Variants in FAT3 observed in about 807,000 individuals in gnomAD.
The protein encoded by FAT3 is protocadherin Fat 3.
FAT3 carries 95 observed loss-of-function variants against 310.2 expected under a neutral mutation model. The observed-to-expected ratio is 0.31, with a 90% confidence interval of 0.26 to 0.36. FAT3 has a LOEUF of 0.36. FAT3 is among the 10% of genes least tolerant of loss of function. The pLI is 1.00. For missense variants in FAT3, 5,408 were observed against 5,715.6 expected (o/e 0.95, Z 1.74); for synonymous variants, 2,314 against 2,192.9 (o/e 1.06, Z -1.54).
intron 3 of FAT3, among the ~76,000 whole-genome samples, chr11:92,694,735 G>A (rs1943890666): frequency 6.6e-6 from 1 of 152,154 alleles, no homozygotes; most frequent in Non-Finnish European, 1.5e-5. Flanking sequence ...CGGAAGAGCA[G>A]CAGGGTGAAG....
intron 2 of FAT3, among the ~76,000 whole-genome samples, chr11:92,514,280 G>A (rs917968700): frequency 7.9e-5 from 12 of 151,532 alleles, no homozygotes; most frequent in Admixed American, 3.9e-4. Flanking sequence ...TTTTGGGTCT[G>A]CTCCTGCCTT....
At chr11:92,774,244 C>G (rs949960356) in intron 7 of FAT3, 64 bp downstream of exon 7, 28 of 1,441,018 alleles carry the variant, frequency 1.9e-5, no homozygotes, top group Admixed American at 2.8e-5. Context: ...GGGGTGCAAG[C>G]AATGAAAAAA....
At chr11:92,337,751 A>G (rs573490807) in intron 1 of FAT3, among the ~76,000 whole-genome samples, 6 of 152,360 alleles carry the variant, frequency 3.9e-5, no homozygotes, top group South Asian at 2.1e-4. Flanking sequence ...CTTGAAAACA[A>G]TAGTATAGTC....
chr11:92,845,798 C>T (rs377260741), intron 19 of FAT3, among the ~76,000 whole-genome samples: 2 of 152,214 alleles, frequency 1.3e-5, no homozygotes, highest in East Asian at 3.9e-4. Flanking sequence ...GCCCCGGCCT[C>T]TTCCCTTGCA....
intron 2 of FAT3, among the ~76,000 whole-genome samples, chr11:92,469,109 TC>T (rs1314941175): frequency 6.6e-6 from 1 of 152,164 alleles, no homozygotes; most frequent in Non-Finnish European, 1.5e-5. Flanking sequence ...ATAGGGCTGA[TC>T]AAGGTCATTG....
intron 3 of FAT3, among the ~76,000 whole-genome samples, chr11:92,682,540 A>T (rs1943510322): frequency 6.6e-6 from 1 of 152,204 alleles, no homozygotes; most frequent in African/African-American, 2.4e-5. Context: ...GCTCTCACTC[A>T]TGTTGGTTCA....
In FAT3 at chr11:92,761,982, C is replaced by T. The variant is rs529470178; in HGVS notation, c.3796C>T (p.Arg1266Cys). 9.9e-6 allele frequency: 16 copies of T among 1,613,920 alleles called. No homozygotes were observed. The highest frequency in any genetic ancestry group is 2.2e-5 in the East Asian group (1 of 44,866). Residue 1266 changes from arginine (R) to cysteine (C), a missense_variant, in exon 5 of 28, where the codon CGT becomes TGT. Transcript: ENST00000525166. ...GGTCTACCAGATCAAGCTGCCAGAA[C>T]GTGACCGAAAGAAGAGAGGAGAACC... ...EKVYQIKLPERDRKKRGEPIY... is the reference protein window; with the variant it reads ...EKVYQIKLPECDRKKRGEPIY...
intron 3 of FAT3, among the ~76,000 whole-genome samples, chr11:92,644,806 C>T (rs775688661): frequency 6.6e-6 from 1 of 152,184 alleles, no homozygotes; most frequent in East Asian, 1.9e-4. Flanking sequence ...GCTGCCACAT[C>T]GCATCTCACA....
chr11:92,606,723 A>C (rs1382927252), intron 3 of FAT3, among the ~76,000 whole-genome samples: 1 of 152,204 alleles, frequency 6.6e-6, no homozygotes, highest in East Asian at 1.9e-4. Context: ...AAAATGGCCA[A>C]CTGACTTGTT....
At chr11:92,567,819 A>G (rs1043159468) in intron 3 of FAT3, among the ~76,000 whole-genome samples, 1 of 147,078 alleles carries the variant, frequency 6.8e-6, no homozygotes, top group African/African-American at 2.5e-5. Context: ...TCTCACTCAT[A>G]GGTGGGAATT....
chr11:92,441,175 A>G (rs1014592171), intron 2 of FAT3, among the ~76,000 whole-genome samples: 2 of 152,212 alleles, frequency 1.3e-5, no homozygotes, highest in African/African-American at 4.8e-5. Context: ...CTTCCCCCAC[A>G]TTCTTTGAAT....
At position 92,774,082 on chromosome 11, in the gene FAT3, G is replaced by A; in HGVS notation, c.4237G>A (p.Gly1413Arg). The A allele has an allele frequency of 6.2e-7, 1 of 1,613,692 alleles. No homozygotes were observed. The highest frequency in any genetic ancestry group is 8.5e-7 in the Non-Finnish European group (1 of 1,179,706). ...CGCTTTTGATGCAGAGAAGGGTGTT[G>A]GGACAATTGTCATCGCAAAACCTTT... is the stretch of plus-strand genomic sequence containing the variant. ...DSAFDAEKGV[G>R]TIVIAKPLDA... The change falls in exon 7 of 28, where the codon GGG becomes AGG. Residue 1413 changes from glycine to arginine, a missense_variant. Physicochemically the swap from Gly to Arg is moderately radical, Grantham distance 125. Around this residue, in one of 5 missense-constraint regions of FAT3, gnomAD observed 4,588 missense variants for 4,809.8 expected, o/e 0.95. Transcript: ENST00000525166.
chr11:92,472,418 C>T (rs1221268424), intron 2 of FAT3, among the ~76,000 whole-genome samples: 3 of 152,096 alleles, frequency 2.0e-5, no homozygotes, highest in Non-Finnish European at 2.9e-5. Flanking sequence ...CTGATCAACA[C>T]TCTCTAGTTT....
intron 2 of FAT3, among the ~76,000 whole-genome samples, chr11:92,432,474 T>A (rs1014042841): frequency 1.3e-5 from 2 of 152,198 alleles, no homozygotes; most frequent in South Asian, 2.1e-4. Flanking sequence ...TTGATGTTCA[T>A]GCTATAGCTT....
At chr11:92,485,877 C>T (rs1952366181) in intron 2 of FAT3, among the ~76,000 whole-genome samples, 1 of 151,744 alleles carries the variant, frequency 6.6e-6, no homozygotes. Flanking sequence ...TAATTTGCAA[C>T]CTTATCAAAA....
intron 3 of FAT3, among the ~76,000 whole-genome samples, chr11:92,665,590 A>G (rs546600313): frequency 1.1e-4 from 17 of 152,284 alleles, no homozygotes; most frequent in African/African-American, 3.1e-4. Context: ...GTGGCTGATC[A>G]CTGAAACCCT....
At chr11:92,739,991 A>G (rs961697094) in intron 4 of FAT3, among the ~76,000 whole-genome samples, 4 of 152,176 alleles carry the variant, frequency 2.6e-5, no homozygotes, top group Non-Finnish European at 5.9e-5. Context: ...AGAAAGTACA[A>G]CTATCTGGGC....
intron 1 of FAT3, among the ~76,000 whole-genome samples, chr11:92,293,211 G>C (rs1946744036): frequency 6.6e-6 from 1 of 151,596 alleles, no homozygotes. Flanking sequence ...GAGGGTGGGA[G>C]CTAGAAGGCA....
At chr11:92,714,206 C>T (rs1004791923) in intron 4 of FAT3, among the ~76,000 whole-genome samples, 6 of 152,074 alleles carry the variant, frequency 3.9e-5, no homozygotes, top group South Asian at 2.1e-4. Context: ...AATATTGCTC[C>T]GAATTCACTT....
Sources: allele counts gnomAD v4.1 joint callset (sites outside exome capture counted in the v4.1 genomes callset), GRCh38; gene constraint gnomAD v4.1.1; regional missense constraint gnomAD v4.1.1; transcripts MANE v1.5; gene names NCBI Gene and HGNC (gene_info 2026-07-23, HGNC 2026-07-21).